EHMT1: variants seen among roughly 807,000 people sequenced by gnomAD.
The protein encoded by EHMT1 is histone-lysine N-methyltransferase EHMT1.
EHMT1 carries 15 observed loss-of-function variants against 147.2 expected under a neutral mutation model. The observed-to-expected ratio is 0.10, with a 90% CI of 0.07 to 0.16. EHMT1 has a LOEUF of 0.16. Ranked by LOEUF, EHMT1 falls within the 10% of genes least tolerant of loss-of-function variation. The pLI, the probability that EHMT1 is intolerant of heterozygous loss-of-function variation, is 1.00. For missense variants in EHMT1, 1,587 were observed against 1,772.4 expected, an observed-to-expected ratio of 0.90 and a Z score of 1.88; for synonymous variants, 795 against 709.6, an observed-to-expected ratio of 1.12 and a Z score of -1.91.
chr9:137,695,960 G>T (rs1305954443), intron 1 of EHMT1, among the ~76,000 whole-genome samples: 1 of 152,212 alleles, frequency 6.6e-6, no homozygotes, highest in Non-Finnish European at 1.5e-5. Flanking sequence ...TAGTAGGGAC[G>T]GGGCCACCTT....
chr9:137,806,949 T>A (rs111414977), intron 18 of EHMT1, among the ~76,000 whole-genome samples: 116 of 152,296 alleles, frequency 7.6e-4, no homozygotes, highest in African/African-American at 2.7e-3. Flanking sequence ...TTTTAAAATG[T>A]TTTTTCTGTA....
chr9:137,623,960 C>T (rs1843096001), intron 1 of EHMT1, among the ~76,000 whole-genome samples: 1 of 151,576 alleles, frequency 6.6e-6, no homozygotes, highest in Non-Finnish European at 1.5e-5. Context: ...CCTGGGACGG[C>T]AGGTGTGTGC....
chr9:137,639,074 A>G (rs1230887609), intron 1 of EHMT1, among the ~76,000 whole-genome samples: 1 of 152,070 alleles, frequency 6.6e-6, no homozygotes. Flanking sequence ...AGTTCAGAAT[A>G]TTTTCTATTT....
chr9:137,652,747 T>C (rs1937990100), intron 1 of EHMT1, among the ~76,000 whole-genome samples: 1 of 147,224 alleles, frequency 6.8e-6, no homozygotes, highest in Non-Finnish European at 1.5e-5. Context: ...TTTTTTGAGA[T>C]GGAGTTTTGC....
rs943301389 is a variant in EHMT1 at position 137,787,145 on chromosome 9, A to G, written c.2383-3703A>G. 3.3e-5 allele frequency: 5 copies of G among 152,136 alleles called. No homozygotes were observed. The highest frequency in any genetic ancestry group is 5.9e-5 in the Non-Finnish European group (4 of 68,076). 9.4% of individuals were successfully genotyped at this position (152,136 alleles called of 1,614,324 possible). ...TGGAGAGCACTGAGCGAGGTGCCAC[A>G]CGCTGCCATCCGAACTCACCACAGA... is the stretch of plus-strand genomic sequence containing the variant. On this transcript the variant is annotated intron_variant, in intron 15 of 26. Coordinates refer to ENST00000460843, the MANE Select transcript of EHMT1 (RefSeq NM_024757.5). This position sits in a 1 kb window ranked among gnomAD's most constrained non-coding sequence, Gnocchi z 4.2.
intron 1 of EHMT1, among the ~76,000 whole-genome samples, chr9:137,636,416 C>T (rs758972732): frequency 6.6e-6 from 1 of 151,874 alleles, no homozygotes; most frequent in Non-Finnish European, 1.5e-5. Flanking sequence ...CCCTAATTGC[C>T]CTGGCTAGTA....
intron 1 of EHMT1, among the ~76,000 whole-genome samples, chr9:137,671,497 C>G (rs567812327): frequency 6.7e-6 from 1 of 150,090 alleles, no homozygotes; most frequent in African/African-American, 2.4e-5. Context: ...CCCAAAGACC[C>G]GAAGAGTTGG....
chr9:137,733,419 TCTC>T (rs1233578998), intron 4 of EHMT1, among the ~76,000 whole-genome samples: 1 of 152,228 alleles, frequency 6.6e-6, no homozygotes, highest in African/African-American at 2.4e-5. Flanking sequence ...CAGGAATTCA[TCTC>T]CTCACCTAGA....
At chr9:137,688,417 G>A (rs577919446) in intron 1 of EHMT1, among the ~76,000 whole-genome samples, 5 of 152,152 alleles carry the variant, frequency 3.3e-5, no homozygotes, top group South Asian at 2.1e-4. Context: ...ACCTTGCCAC[G>A]CTGCTGGACT....
At chr9:137,625,104 A>G (rs1843173244) in intron 1 of EHMT1, among the ~76,000 whole-genome samples, 1 of 150,912 alleles carries the variant, frequency 6.6e-6, no homozygotes, top group Admixed American at 6.6e-5. Flanking sequence ...CTGGTCTAAA[A>G]TTCCTGACCT....
At chr9:137,699,070 C>T (rs1235754799) in intron 1 of EHMT1, among the ~76,000 whole-genome samples, 2 of 152,060 alleles carry the variant, frequency 1.3e-5, no homozygotes, top group Non-Finnish European at 2.9e-5. Flanking sequence ...CTTAGGTGGG[C>T]TGCTGGTGCA....
chr9:137,640,277 T>C (rs1012968462), intron 1 of EHMT1, among the ~76,000 whole-genome samples: 7 of 151,956 alleles, frequency 4.6e-5, no homozygotes, highest in Non-Finnish European at 7.4e-5. Flanking sequence ...ATTTTTGTTT[T>C]GTTTTATTTT....
intron 10 of EHMT1, among the ~76,000 whole-genome samples, chr9:137,766,718 A>T (rs1429648949): frequency 6.6e-6 from 1 of 152,224 alleles, no homozygotes; most frequent in Non-Finnish European, 1.5e-5. Flanking sequence ...TTTGCACCGT[A>T]CGTCATTTTC....
At position 137,631,373 on chromosome 9, in the gene EHMT1, CAA is replaced by C. The variant is rs964965604; in HGVS notation, c.21+12325_21+12326del. On this transcript the variant is annotated intron_variant, in intron 1 of 26. Coordinates refer to ENST00000460843, the MANE Select transcript of EHMT1 (RefSeq NM_024757.5). ...TGCCATTGGACTCCAGCCTGGGTAACAAGAGTGAACCTCTGTCTTGGAAAAAA... is the reference window on the plus strand; with the variant it reads ...TGCCATTGGACTCCAGCCTGGGTAACGAGTGAACCTCTGTCTTGGAAAAAA... Among the ~76,000 whole-genome samples, 232 of 151,740 alleles carry C rather than the reference CAA, an allele frequency of 1.5e-3. 1 individual carries two copies. The highest frequency in any genetic ancestry group is 5.4e-3 in the African/African-American group (225 of 41,334).
chr9:137,784,318 G>C (rs1171229999), intron 15 of EHMT1: 4 of 1,352,254 alleles, frequency 3.0e-6, no homozygotes, highest in Middle Eastern at 2.4e-4. Context: ...TCACAGCCTC[G>C]TAGCCTCTTA....
chr9:137,820,591 A>G (rs1021377104), intron 25 of EHMT1, among the ~76,000 whole-genome samples: 1 of 152,202 alleles, frequency 6.6e-6, no homozygotes, highest in Non-Finnish European at 1.5e-5. Flanking sequence ...TTTCCCAGAA[A>G]CGGTCATGTT....
chr9:137,724,261 A>G (rs1313704379), intron 3 of EHMT1, among the ~76,000 whole-genome samples: 2 of 152,116 alleles, frequency 1.3e-5, no homozygotes, highest in African/African-American at 4.8e-5. Context: ...ACCCTGGTGC[A>G]CAGCCCACCG....
rs1952475894 is a variant in EHMT1 at position 137,790,914 on chromosome 9, A to G, written c.2449A>G (p.Asn817Asp). The change falls in exon 16 of 27, where the codon AAC becomes GAC. Residue 817 changes from asparagine (N) to aspartate (D), a missense_variant. Asn to Asp is a conservative substitution (Grantham distance 23). Transcript: ENST00000460843. ...RTPLMEAAEN[N>D]HLEAVKYLIK... ...CCCGTTGATGGAAGCAGCCGAAAAC[A>G]ACCATCTGGAAGCAGTGAAGTACCT... is the stretch of plus-strand genomic sequence containing the variant. The G allele has an allele frequency of 6.2e-7, 1 of 1,614,050 alleles. No individual in the cohort carries two copies. The highest frequency in any genetic ancestry group is 1.1e-5 in the South Asian group (1 of 91,086).
At chr9:137,674,671 C>T (rs985709925) in intron 1 of EHMT1, among the ~76,000 whole-genome samples, 3 of 152,148 alleles carry the variant, frequency 2.0e-5, no homozygotes, top group East Asian at 3.8e-4. Flanking sequence ...TTGTAGAATA[C>T]GTATTTTGTG....
Sources: allele counts gnomAD v4.1 joint callset (sites outside exome capture counted in the v4.1 genomes callset), GRCh38; gene constraint gnomAD v4.1.1; non-coding constraint Gnocchi (gnomAD v3.1); transcripts MANE v1.5; gene names NCBI Gene and HGNC (gene_info 2026-07-23, HGNC 2026-07-21).